CCDC180: variants seen among roughly 807,000 people sequenced by gnomAD.
CCDC180 encodes coiled-coil domain-containing protein 180.
In CCDC180, 154 loss-of-function variants were observed where a neutral mutation model predicts 209.2. The observed-to-expected ratio is 0.74, with a 90% CI of 0.65 to 0.84. The LOEUF is 0.84. CCDC180 is among the 40% of genes least tolerant of loss of function. The pLI, the probability that CCDC180 is intolerant of heterozygous loss-of-function variation, is 0.00. For missense variants in CCDC180, 1,874 were observed against 1,997.3 expected, an observed-to-expected ratio of 0.94 and a Z score of 1.18; for synonymous variants, 778 against 749.1, an observed-to-expected ratio of 1.04 and a Z score of -0.63.
At chr9:97,307,887 C>G (rs1333878171) in intron 1 of CCDC180, 81 bp downstream of exon 1, 1 of 1,597,556 alleles carries the variant, frequency 6.3e-7, no homozygotes, top group Non-Finnish European at 8.6e-7. Flanking sequence ...AGAGTCCTTC[C>G]CCGGGGAGTC....
At chr9:97,363,941 C>T in intron 28 of CCDC180, 110 bp from the exon 29 acceptor site, 1 of 1,019,672 alleles carries the variant, frequency 9.8e-7, no homozygotes, top group Non-Finnish European at 1.5e-6. Context: ...GTCCGGTTGC[C>T]CACGGGCAGG....
chr9:97,375,952 T>C (rs1436557446), intron 36 of CCDC180: 1 of 251,174 alleles, frequency 4.0e-6, no homozygotes, highest in East Asian at 8.5e-5. Context: ...GCAGGAGCAG[T>C]CACAGCTCCT....
intron 19 of CCDC180, among the ~76,000 whole-genome samples, chr9:97,345,155 A>G (rs1352465887): frequency 2.0e-5 from 3 of 152,200 alleles, no homozygotes; most frequent in Admixed American, 2.0e-4. Flanking sequence ...TGTTGCTCTG[A>G]ACATTCTTGT....
chr9:97,355,074 C>T (rs962413923), intron 24 of CCDC180, 66 bp downstream of exon 24: 33 of 1,061,506 alleles, frequency 3.1e-5, no homozygotes, highest in South Asian at 9.1e-5. Flanking sequence ...GCACTGTCCC[C>T]GGTGCTAGGA....
intron 28 of CCDC180, chr9:97,363,731 GT>G (rs753474356): frequency 4.6e-5 from 23 of 501,884 alleles, no homozygotes; most frequent in African/African-American, 9.7e-5. Context: ...GTGGCTCAAT[GT>G]TTTTTTTTCT....
intron 32 of CCDC180, 133 bp from the exon 33 acceptor site, chr9:97,370,508 T>C (rs753573931): frequency 9.9e-6 from 10 of 1,006,678 alleles, no homozygotes; most frequent in Admixed American, 4.4e-5. Context: ...GCCACTCTTC[T>C]GCCCACCCAT....
intron 19 of CCDC180, among the ~76,000 whole-genome samples, chr9:97,346,342 C>T (rs995185855): frequency 5.3e-5 from 8 of 152,128 alleles, no homozygotes; most frequent in African/African-American, 1.9e-4. Flanking sequence ...ACATCTGCTG[C>T]GATGTTGTTT....
At chr9:97,361,679 A>C in intron 26 of CCDC180, 47 bp from the exon 27 acceptor site, 1 of 1,596,650 alleles carries the variant, frequency 6.3e-7, no homozygotes, top group Non-Finnish European at 8.5e-7. Flanking sequence ...CCTCGCTGGC[A>C]CCTGGGCTGG....
At chr9:97,368,073 G>T (rs1023780128) in intron 31 of CCDC180, among the ~76,000 whole-genome samples, 1 of 152,156 alleles carries the variant, frequency 6.6e-6, no homozygotes, top group Non-Finnish European at 1.5e-5. Flanking sequence ...CCCCTCTCTG[G>T]TAAACTCACA....
At chr9:97,339,697 G>A (rs1826020027) in intron 18 of CCDC180, among the ~76,000 whole-genome samples, 1 of 152,174 alleles carries the variant, frequency 6.6e-6, no homozygotes, top group Non-Finnish European at 1.5e-5. Flanking sequence ...GAATTTGAAT[G>A]TTGGCCTGCC....
rs1826148501 is a variant in CCDC180 at position 97,343,430 on chromosome 9, G to A, written c.2365G>A (p.Val789Ile). 6.2e-7 allele frequency: 1 copy of A among 1,613,908 alleles called. No homozygotes were observed. Among genetic ancestry groups the A allele is most frequent in the Non-Finnish European group, 8.5e-7 (1 of 1,179,810 alleles). Reference sequence around the variant, plus strand: ...CAGTGGAAACACTTATTTTGTCTTTGTACCCCTGGAAGAAGAGCATTGTAG... The same window carrying A: ...CAGTGGAAACACTTATTTTGTCTTTATACCCCTGGAAGAAGAGCATTGTAG... ...ISSGNTYFVF[V>I]PLEEEHCRKS... The change falls in exon 19 of 37, where the codon GTA (valine) becomes ATA (isoleucine). Residue 789 changes from valine (V) to isoleucine (I), a missense_variant. By Grantham distance (29) the Val-to-Ile change is conservative. Coordinates refer to ENST00000529487, the MANE Select transcript of CCDC180 (RefSeq NM_020893.6).
At chr9:97,316,256 T>C (rs1458964514) in intron 8 of CCDC180, among the ~76,000 whole-genome samples, 1 of 152,234 alleles carries the variant, frequency 6.6e-6, no homozygotes, top group African/African-American at 2.4e-5. Context: ...AAAATCCCTA[T>C]GCTATAAATA....
In CCDC180 at chr9:97,312,139, A is replaced by G. The variant is rs538976253; in HGVS notation, c.287A>G (p.Lys96Arg). 1 of 1,614,038 alleles carries G rather than the reference A, an allele frequency of 6.2e-7. No individual in the cohort carries two copies. The highest frequency in any genetic ancestry group is 8.5e-7 in the Non-Finnish European group (1 of 1,179,950). Residue 96 changes from lysine (K) to arginine (R), a missense_variant, in exon 4 of 37, where the codon AAA becomes AGA. Lys to Arg is a conservative substitution (Grantham distance 26). Coordinates refer to ENST00000529487, the MANE Select transcript of CCDC180 (RefSeq NM_020893.6). ...GAAAAGGAAAGAGCCAAGAGGGAAA[A>G]AGCCCGAGAGAGTGAGAACACCATC... ...HREKERAKRE[K>R]ARESENTIAA... is the part of the protein sequence containing the mutation.
Position 97,323,922 on chromosome 9 carries a change from TC to T in CCDC180, c.1371+21del. 1 of 1,551,062 alleles carries T rather than the reference TC, an allele frequency of 6.4e-7. No homozygotes were observed. ...CTTGGACGTGCGTGCTGGGGACTGT[TC>T]CACTGGGGAGCTGAGGTGGGGTTGG... On this transcript the variant is annotated intron_variant, in intron 13 of 36. Transcript: ENST00000529487.
chr9:97,340,075 G>A (rs1000927681), intron 18 of CCDC180, among the ~76,000 whole-genome samples: 4 of 152,116 alleles, frequency 2.6e-5, no homozygotes, highest in African/African-American at 9.7e-5. Context: ...TTTTTTCAAA[G>A]TTTTTAGCTT....
At chr9:97,315,493 A>G (rs2118561088) in intron 8 of CCDC180, among the ~76,000 whole-genome samples, 1 of 152,086 alleles carries the variant, frequency 6.6e-6, no homozygotes, top group East Asian at 1.9e-4. Flanking sequence ...CCCTCCCCAC[A>G]GCTGCTTTCC....
At position 97,314,376 on chromosome 9, in the gene CCDC180, C is replaced by A; in HGVS notation, c.460-17C>A. The stretch of plus-strand genomic sequence containing the variant: ...GGGTGCTGATGCCTTGGCCATCATA[C>A]CCCTGGCCTGTTGCAGGAAATGGAA... On this transcript the variant is annotated splice_polypyrimidine_tract_variant and intron_variant, in intron 5 of 36. Transcript: ENST00000529487. 6.2e-7 allele frequency: 1 copy of A among 1,614,034 alleles called. No homozygotes were observed. The highest frequency in any genetic ancestry group is 8.5e-7 in the Non-Finnish European group (1 of 1,179,948).
chr9:97,339,734 A>T (rs1826021232), intron 18 of CCDC180, among the ~76,000 whole-genome samples: 1 of 152,176 alleles, frequency 6.6e-6, no homozygotes, highest in South Asian at 2.1e-4. Context: ...GTTCTCCTGG[A>T]TAATATCCTG....
At position 97,366,722 on chromosome 9, in the gene CCDC180, G is replaced by T. The variant is rs1406670349; in HGVS notation, c.4189+22G>T. The T allele has an allele frequency of 6.2e-7, 1 of 1,612,924 alleles. No homozygotes were observed. The highest frequency in any genetic ancestry group is 8.5e-7 in the Non-Finnish European group (1 of 1,179,484). On this transcript the variant is annotated intron_variant, in intron 31 of 36. Coordinates refer to ENST00000529487, the MANE Select transcript of CCDC180 (RefSeq NM_020893.6). The surrounding 1 kb of genome is among the most constrained non-coding windows in gnomAD (Gnocchi z 4.3). Reference sequence around the variant, plus strand: ...ATAGGTGAGTATAGGCAGCAGGAAGGCACGGGGAACAGGGCGGGGCGCGAA... The same window carrying T: ...ATAGGTGAGTATAGGCAGCAGGAAGTCACGGGGAACAGGGCGGGGCGCGAA...
Sources: gnomAD v4.1 joint callset for allele counts (sites outside exome capture counted in the v4.1 genomes callset) on GRCh38, gnomAD v4.1.1 for gene constraint, Gnocchi (gnomAD v3.1) non-coding constraint, MANE v1.5 for transcripts, NCBI Gene and HGNC (gene_info 2026-07-23, HGNC 2026-07-21) for gene names.